ADGRL3: variants seen among roughly 807,000 people sequenced by gnomAD.
ADGRL3 encodes calcium-independent alpha-latrotoxin receptor 3.
A neutral mutation model predicts 153.5 loss-of-function variants in ADGRL3; 62 were observed. That is an observed-to-expected ratio of 0.40 (90% confidence interval 0.33 to 0.50). The LOEUF is 0.50. ADGRL3 is among the 20% of genes least tolerant of loss of function. ADGRL3 has a pLI of 0.47. For missense variants in ADGRL3, 1,641 were observed against 1,859.4 expected, an observed-to-expected ratio of 0.88 and a Z score of 2.16; for synonymous variants, 710 against 672.5, an observed-to-expected ratio of 1.06 and a Z score of -0.86.
Position 61,946,967 on chromosome 4 carries a change from A to G in ADGRL3, c.2473A>G (p.Thr825Ala), listed in dbSNP as rs1033066587. Residue 825 changes from threonine to alanine, a missense_variant, in exon 16 of 27, where the codon ACG becomes GCG. Physicochemically the swap from Thr to Ala is moderately conservative, Grantham distance 58. Coordinates refer to ENST00000683033, the MANE Select transcript of ADGRL3 (RefSeq NM_001387552.1). The stretch of plus-strand genomic sequence containing the variant: ...TAACAACTTGGGTCCTTATTTATCC[A>G]CGGAGAATGCCAGTATGAAGTTGGG... ...LYNNLGPYLS[T>A]ENASMKLGTE... 12 of 1,613,764 alleles carry G rather than the reference A, an allele frequency of 7.4e-6. No homozygotes were observed. The highest frequency in any genetic ancestry group is 1.0e-5 in the Non-Finnish European group (12 of 1,179,828).
chr4:61,904,942 G>A (rs892188268), intron 11 of ADGRL3, among the ~76,000 whole-genome samples: 1 of 151,934 alleles, frequency 6.6e-6, no homozygotes, highest in Admixed American at 6.5e-5. Context: ...TTTTCTTATA[G>A]AAACAATATT....
intron 5 of ADGRL3, among the ~76,000 whole-genome samples, chr4:61,619,847 G>C (rs1303447353): frequency 6.6e-6 from 1 of 152,112 alleles, no homozygotes; most frequent in East Asian, 1.9e-4. Context: ...TGTTATGGAG[G>C]AGGCAAATTT....
At position 61,612,488 on chromosome 4, in the gene ADGRL3, C is replaced by T. The variant is rs529794271; in HGVS notation, c.473+25048C>T. 3.3e-3 allele frequency among the ~76,000 whole-genome samples: 497 copies of T among 152,188 alleles called. 2 individuals are homozygous for T. Among genetic ancestry groups the T allele is most frequent in the Non-Finnish European group, 4.9e-3 (334 of 68,006 alleles). On this transcript the variant is annotated intron_variant, in intron 5 of 26. Coordinates refer to ENST00000683033, the MANE Select transcript of ADGRL3 (RefSeq NM_001387552.1). ...TTATTTGTTGGATCAACCAAAAATA[C>T]GAGGAATCTCTTGACTAGTTTCTAA...
intron 2 of ADGRL3, among the ~76,000 whole-genome samples, chr4:61,446,822 A>T (rs187856732): frequency 6.6e-6 from 1 of 152,234 alleles, no homozygotes; most frequent in East Asian, 1.9e-4. Context: ...TTGAACCTGT[A>T]CCCATTTGTT....
In ADGRL3 at chr4:61,415,911, T is replaced by C. The variant is rs549228142; in HGVS notation, c.-174+32722T>C. Among the ~76,000 whole-genome samples, 23 of 152,202 alleles carry C rather than the reference T, an allele frequency of 1.5e-4. No individual in the cohort carries two copies. In the East Asian group the frequency reaches 4.2e-3, roughly 28 times the overall value. ...TTTTCCAAGTCCTGACACTGACATATGCATATTGCTTCTGAACTGTTTTTT... is the reference window on the plus strand; with the variant it reads ...TTTTCCAAGTCCTGACACTGACATACGCATATTGCTTCTGAACTGTTTTTT... On this transcript the variant is annotated intron_variant, in intron 2 of 26. Coordinates refer to ENST00000683033, the MANE Select transcript of ADGRL3 (RefSeq NM_001387552.1).
At chr4:61,778,466 T>C (rs768217155) in intron 8 of ADGRL3, among the ~76,000 whole-genome samples, 7 of 152,202 alleles carry the variant, frequency 4.6e-5, no homozygotes, top group Non-Finnish European at 7.3e-5. Context: ...AACATTGAAT[T>C]TGAATAAAAG....
intron 25 of ADGRL3, among the ~76,000 whole-genome samples, chr4:62,052,217 T>A (rs566981274): frequency 5.9e-5 from 9 of 151,650 alleles, no homozygotes; most frequent in Non-Finnish European, 1.0e-4. Flanking sequence ...ACAAAAACAT[T>A]CATTCTTTTC....
chr4:62,035,772 A>G (rs1724641956), intron 23 of ADGRL3, among the ~76,000 whole-genome samples: 1 of 152,132 alleles, frequency 6.6e-6, no homozygotes, highest in Non-Finnish European at 1.5e-5. Context: ...TTTTGATCAT[A>G]GAGCACCCAT....
Position 61,207,871 on chromosome 4 carries a change from G to T in ADGRL3, c.-240+6106G>T, listed in dbSNP as rs772684596. ...GAATGGCTCAGGTAGATTTTTCTGA[G>T]ATCTGCCTCCTTGTGCTCTAAAATG... On this transcript the variant is annotated intron_variant, in intron 1 of 26. Transcript: ENST00000683033. Among the ~76,000 whole-genome samples the T allele has an allele frequency of 2.0e-5, 3 of 152,262 alleles. No individual in the cohort carries two copies. The South Asian group carries it at 6.2e-4, about 32-fold the overall frequency.
At chr4:61,799,132 T>C (rs1184915757) in intron 8 of ADGRL3, among the ~76,000 whole-genome samples, 5 of 149,652 alleles carry the variant, frequency 3.3e-5, no homozygotes, top group African/African-American at 1.2e-4. Flanking sequence ...AGTTAAAAGG[T>C]GGTCCAAGAA....
At chr4:61,875,714 C>T (rs146306425) in intron 9 of ADGRL3, among the ~76,000 whole-genome samples, 35 of 152,222 alleles carry the variant, frequency 2.3e-4, no homozygotes, top group Non-Finnish European at 3.8e-4. Flanking sequence ...TATCCATTGT[C>T]TTCTTTCGAG....
At chr4:61,737,235 C>CTGTT (rs1338403251) in intron 8 of ADGRL3, among the ~76,000 whole-genome samples, 33 of 152,124 alleles carry the variant, frequency 2.2e-4, no homozygotes, top group Non-Finnish European at 1.5e-5. Context: ...TCGTTACCAT[C>CTGTT]TGTTGGTAGC....
intron 21 of ADGRL3, among the ~76,000 whole-genome samples, chr4:61,998,885 GTT>G (rs2099131018): frequency 6.6e-6 from 1 of 151,940 alleles, no homozygotes; most frequent in African/African-American, 2.4e-5. Flanking sequence ...CCTGATTATT[GTT>G]TCTTAGAGCA....
chr4:61,311,011 G>A, intron 1 of ADGRL3, among the ~76,000 whole-genome samples: 1 of 151,422 alleles, frequency 6.6e-6, no homozygotes, highest in East Asian at 1.9e-4. Context: ...TCTTAGGCAA[G>A]GACATATTAC....
chr4:61,606,786 C>T (rs1470387386), intron 5 of ADGRL3, among the ~76,000 whole-genome samples: 1 of 152,050 alleles, frequency 6.6e-6, no homozygotes, highest in African/African-American at 2.4e-5. Context: ...AGGAGAGTCC[C>T]TGTCTTGCAT....
chr4:61,868,932 G>T (rs1290665644), intron 9 of ADGRL3, among the ~76,000 whole-genome samples: 1 of 152,012 alleles, frequency 6.6e-6, no homozygotes, highest in Non-Finnish European at 1.5e-5. Flanking sequence ...TACCTCAAAG[G>T]TAATTTTTTT....
intron 2 of ADGRL3, among the ~76,000 whole-genome samples, chr4:61,431,708 C>G (rs1170750214): frequency 6.6e-6 from 1 of 152,168 alleles, no homozygotes; most frequent in Non-Finnish European, 1.5e-5. Context: ...AGTATTAAAT[C>G]TACCTCAGAA....
intron 1 of ADGRL3, among the ~76,000 whole-genome samples, chr4:61,272,507 G>A (rs1272644579): frequency 2.6e-5 from 4 of 151,964 alleles, no homozygotes; most frequent in Admixed American, 1.3e-4. Flanking sequence ...TACTTTATGA[G>A]CATTCATTTT....
intron 2 of ADGRL3, among the ~76,000 whole-genome samples, chr4:61,415,092 A>G (rs1243119164): frequency 6.6e-6 from 1 of 151,904 alleles, no homozygotes; most frequent in Non-Finnish European, 1.5e-5. Context: ...GGTATTTTTT[A>G]GTGAAGACAG....
Sources: allele counts gnomAD v4.1 joint callset (sites outside exome capture counted in the v4.1 genomes callset), GRCh38; gene constraint gnomAD v4.1.1; transcripts MANE v1.5; gene names NCBI Gene and HGNC (gene_info 2026-07-23, HGNC 2026-07-21).